PKHD1: variants seen among roughly 807,000 people sequenced by gnomAD.
The protein encoded by PKHD1 is fibrocystin.
In PKHD1, 291 loss-of-function variants were observed where a neutral mutation model predicts 412.0. The ratio of observed to expected loss-of-function variants is 0.71; its 90% CI spans 0.64 to 0.78. The LOEUF (loss-of-function observed/expected upper bound fraction) is 0.78, where lower values mean the gene tolerates loss of function less well. PKHD1 is among the 30% of genes least tolerant of loss of function. The probability of loss-of-function intolerance (pLI) is 0.00; values close to 1 mark genes in which losing one functional copy is unlikely to be tolerated. For missense variants in PKHD1, 4,825 were observed against 4,950.7 expected (o/e 0.97, Z 0.76); for synonymous variants, 1,777 against 1,821.5 (o/e 0.98, Z 0.62).
chr6:51,630,481 C>T (rs1296520789), intron 65 of PKHD1, among the ~76,000 whole-genome samples: 1 of 152,076 alleles, frequency 6.6e-6, no homozygotes, highest in Non-Finnish European at 1.5e-5. Flanking sequence ...ACATGCAATG[C>T]ATGTATTATT....
chr6:52,053,366 C>A (rs1178145439), intron 20 of PKHD1, 115 bp from the exon 21 acceptor site: 19 of 999,848 alleles, frequency 1.9e-5, no homozygotes, highest in Non-Finnish European at 2.9e-5. Context: ...AGGAGAGAGA[C>A]CCCATGAACC....
At chr6:51,784,240 T>C (rs142485200) in intron 53 of PKHD1, among the ~76,000 whole-genome samples, 2 of 146,666 alleles carry the variant, frequency 1.4e-5, no homozygotes, top group East Asian at 4.2e-4. Context: ...AGGCTTCATA[T>C]AGGTTGGTGC....
intron 43 of PKHD1, 28 bp from the exon 44 acceptor site, chr6:51,887,273 T>C: frequency 7.3e-7 from 1 of 1,371,928 alleles, no homozygotes; most frequent in African/African-American, 1.4e-5. Context: ...AGTTAAAAAA[T>C]AGTTACCCCA....
chr6:51,727,380 G>A (rs1033319683), intron 60 of PKHD1, among the ~76,000 whole-genome samples: 6 of 152,126 alleles, frequency 3.9e-5, no homozygotes, highest in Non-Finnish European at 7.4e-5. Context: ...AAAAGAGACC[G>A]AGACAAGTTT....
intron 37 of PKHD1, among the ~76,000 whole-genome samples, chr6:51,922,563 C>T (rs1218396801): frequency 6.6e-6 from 1 of 152,246 alleles, no homozygotes; most frequent in East Asian, 1.9e-4. Flanking sequence ...TCTACAGAGG[C>T]AGGCAGGCCT....
At chr6:51,756,741 AT>A (rs2151031534) in intron 55 of PKHD1, among the ~76,000 whole-genome samples, 1 of 152,290 alleles carries the variant, frequency 6.6e-6, no homozygotes, top group East Asian at 1.9e-4. Context: ...TTAAATCTCA[AT>A]TTTCTAACTT....
rs543962014 is a variant in PKHD1 at position 51,631,012 on chromosome 6, C to T, written c.11665+1553G>A. Among the ~76,000 whole-genome samples, 11 of 152,168 alleles carry T rather than the reference C, an allele frequency of 7.2e-5. No homozygotes were observed. In the East Asian group the frequency reaches 1.2e-3, roughly 16 times the overall value. ...TATTTGTAAACACAGGAAGAAGTCA[C>T]GTCTAGAGCTGGGGGATCAAAAGTG... On this transcript the variant is annotated intron_variant, in intron 65 of 66. Transcript: ENST00000371117.
intron 55 of PKHD1, among the ~76,000 whole-genome samples, chr6:51,767,171 T>C (rs1339264264): frequency 1.3e-5 from 2 of 152,080 alleles, no homozygotes; most frequent in Admixed American, 1.3e-4. Context: ...TGGTATTCTT[T>C]TTAGTTTTGG....
chr6:51,920,034 G>A (rs1784446914), intron 37 of PKHD1, among the ~76,000 whole-genome samples: 2 of 152,226 alleles, frequency 1.3e-5, no homozygotes, highest in African/African-American at 4.8e-5. Context: ...GGGCTGAGAG[G>A]ATTGGGTTTT....
Position 52,043,606 on chromosome 6 carries a change from G to T in PKHD1, c.2821+19C>A. 1 of 1,549,434 alleles carries T rather than the reference G, an allele frequency of 6.5e-7. No individual in the cohort carries two copies. Among genetic ancestry groups the T allele is most frequent in the Non-Finnish European group, 8.9e-7 (1 of 1,121,362 alleles). On this transcript the variant is annotated intron_variant, in intron 26 of 66. Coordinates refer to ENST00000371117, the MANE Select transcript of PKHD1 (RefSeq NM_138694.4). ...GTCTCCGGCTTAAGCCCATCTCAGA[G>T]CCAAGTGACAAATCATACCAATGGA...
intron 61 of PKHD1, among the ~76,000 whole-genome samples, chr6:51,657,576 T>C (rs570384674): frequency 7.9e-5 from 12 of 152,198 alleles, no homozygotes; most frequent in Admixed American, 3.9e-4. Flanking sequence ...GAACTGTTTC[T>C]TATTAAATCA....
intron 35 of PKHD1, among the ~76,000 whole-genome samples, chr6:51,983,037 A>G (rs1308061612): frequency 6.6e-6 from 1 of 152,092 alleles, no homozygotes; most frequent in Admixed American, 6.5e-5. Context: ...AAGGAAGGAA[A>G]CACAGTGAAG....
chr6:51,997,638 A>C lies in PKHD1; in HGVS notation c.5751+12671T>G, dbSNP rs79419584. Among the ~76,000 whole-genome samples the C allele has an allele frequency of 5.5e-3, 833 of 152,370 alleles. 5 individuals are homozygous for C. Among genetic ancestry groups the C allele is most frequent in the Middle Eastern group, 0.037 (11 of 294 alleles). ...ACAGGCAGAAATGCCAAGAATAGTC[A>C]TGTCTCCCCAGAAACTTCCACTGTT... On this transcript the variant is annotated intron_variant, in intron 35 of 66. Transcript: ENST00000371117.
At chr6:51,819,076 A>C (rs4715247) in intron 52 of PKHD1, among the ~76,000 whole-genome samples, 140,197 of 152,220 alleles carry the variant, frequency 0.92, 65,707 homozygotes, top group East Asian at 1. Context: ...TACCTGGACA[A>C]CAAAACTCCC....
Position 51,975,963 on chromosome 6 carries a change from T to TAAAAAAAAAAAAA in PKHD1, c.5752-15950_5752-15938dup, listed in dbSNP as rs66774242. 114 of 69,766 alleles carry TAAAAAAAAAAAAA rather than the reference T, an allele frequency of 1.6e-3. 1 individual carries two copies. Among genetic ancestry groups the TAAAAAAAAAAAAA allele is most frequent in the Non-Finnish European group, 2.6e-3 (95 of 36,694 alleles). 4.3% of individuals were successfully genotyped at this position (69,766 alleles called of 1,614,324 possible). ...AACATAGCGAGACCCTTTCTCTAATTAAAAAAAAAAAAAAAAAAAAAAAAA... is the reference window on the plus strand; with the variant it reads ...AACATAGCGAGACCCTTTCTCTAATTAAAAAAAAAAAAAAAAAAAAAAAAAAAAAAAAAAAAAA... On this transcript the variant is annotated intron_variant, in intron 35 of 66. Transcript: ENST00000371117.
rs1215691211 is a variant in PKHD1, at chr6:51,618,702, T to C, written c.*379A>G. 3 of 342,248 alleles carry C rather than the reference T, an allele frequency of 8.8e-6. No individual in the cohort carries two copies. Among genetic ancestry groups the C allele is most frequent in the East Asian group, 7.9e-5 (1 of 12,672 alleles). 21.2% of individuals were successfully genotyped at this position (342,248 alleles called of 1,614,324 possible). On this transcript the variant is annotated 3_prime_UTR_variant, in exon 67 of 67. Transcript: ENST00000371117. Reference sequence around the variant, plus strand: ...GACCAGACCTTTTCATGATCCCTTCTATAAAAGAAGCTCAAAGCATTGTGG... The same window carrying C: ...GACCAGACCTTTTCATGATCCCTTCCATAAAAGAAGCTCAAAGCATTGTGG...
rs1772481746 is a variant in PKHD1 at position 51,659,580 on chromosome 6, G to A, written c.10546C>T (p.Pro3516Ser). The change falls in exon 61 of 67, where the codon CCA (proline) becomes TCA (serine). Residue 3516 changes from proline (P) to serine (S), a missense_variant. Transcript: ENST00000371117. Reference protein sequence around the residue: ...PHVFLGESFIPPTLVQSASLL... With the variant: ...PHVFLGESFISPTLVQSASLL... ...GAAGCTGACTGAACCAGAGTGGGTG[G>A]AATAAAACTTTCCCCTAAGAAGACG... 3 of 1,613,602 alleles carry A rather than the reference G, an allele frequency of 1.9e-6. No homozygotes were observed.
At chr6:51,628,967 G>C (rs1767614914) in intron 65 of PKHD1, among the ~76,000 whole-genome samples, 1 of 152,138 alleles carries the variant, frequency 6.6e-6, no homozygotes, top group African/African-American at 2.4e-5. Context: ...AATTGTGAAA[G>C]GACTCCTTTT....
chr6:51,847,763 T>C lies in PKHD1; in HGVS notation c.8107+12A>G, dbSNP rs757128932. ...ATGTGCTCTCAAAACATTCATCCAA[T>C]TGGATACTTACCCAGATAGGTGAGT... On this transcript the variant is annotated intron_variant, in intron 50 of 66. Coordinates refer to ENST00000371117, the MANE Select transcript of PKHD1 (RefSeq NM_138694.4). The C allele has an allele frequency of 6.3e-7, 1 of 1,582,808 alleles. No individual in the cohort carries two copies. The highest frequency in any genetic ancestry group is 1.1e-5 in the South Asian group (1 of 90,450).
Sources: gnomAD v4.1 joint callset for allele counts (sites outside exome capture counted in the v4.1 genomes callset) on GRCh38, gnomAD v4.1.1 for gene constraint, MANE v1.5 for transcripts, NCBI Gene and HGNC (gene_info 2026-07-23, HGNC 2026-07-21) for gene names.